Variants in KIF21B observed in about 807,000 individuals in gnomAD.
The protein encoded by KIF21B is kinesin family member 21B.
KIF21B carries 85 observed loss-of-function variants against 192.9 expected under a neutral mutation model. The ratio of observed to expected loss-of-function variants is 0.44; its 90% CI spans 0.37 to 0.53. The LOEUF (loss-of-function observed/expected upper bound fraction) is 0.53. Ranked by LOEUF, KIF21B falls within the 20% of genes least tolerant of loss-of-function variation. KIF21B has a pLI of 0.00. For synonymous variants in KIF21B, 832 were observed against 884.6 expected, an observed-to-expected ratio of 0.94 and a Z score of 1.05; for missense variants, 1,716 against 2,194.8, an observed-to-expected ratio of 0.78 and a Z score of 4.36.
At chr1:201,020,808 T>TACACACACACAC (rs60686711) in intron 1 of KIF21B, among the ~76,000 whole-genome samples, 5,112 of 142,834 alleles carry the variant, frequency 0.036, 171 homozygotes, top group African/African-American at 0.077. Context: ...CTCTCTCCTC[T>TACACACACACAC]ACACACACAC....
In KIF21B at chr1:200,988,939, C is replaced by T; in HGVS notation, c.3133-8G>A. The T allele has an allele frequency of 6.2e-7, 1 of 1,605,596 alleles. No individual in the cohort carries two copies. The highest frequency in any genetic ancestry group is 8.5e-7 in the Non-Finnish European group (1 of 1,176,016). On this transcript the variant is annotated splice_polypyrimidine_tract_variant and splice_region_variant and intron_variant, in intron 21 of 34. Transcript: ENST00000461742. The stretch of plus-strand genomic sequence containing the variant: ...TTGTGCCACTTGCAGCCCCTGGGGG[C>T]AGGGAACAAAGCCTGGAGTTACCCC...
Position 201,004,909 on chromosome 1 carries a change from G to GA in KIF21B, c.756dup (p.Pro253SerfsTer2). 1 of 1,609,530 alleles carries GA rather than the reference G, an allele frequency of 6.2e-7. No homozygotes were observed. The highest frequency in any genetic ancestry group is 1.1e-5 in the South Asian group (1 of 91,010). On this transcript the variant is annotated frameshift_variant, in exon 6 of 35. Transcript: ENST00000461742. LOFTEE classifies it high-confidence loss of function. Reference sequence around the variant, plus strand: ...TCACTCGAGGGAGGTGTACCATCAGGAAGCCCAGTCACCGCCTCATTCACC... The same window carrying GA: ...TCACTCGAGGGAGGTGTACCATCAGGAAAGCCCAGTCACCGCCTCATTCACC...
intron 6 of KIF21B, 75 bp downstream of exon 6, chr1:201,004,691 A>G: frequency 6.4e-7 from 1 of 1,559,828 alleles, no homozygotes; most frequent in Non-Finnish European, 8.8e-7. Context: ...CAGCAGGTGT[A>G]GGACTGCAGG....
At position 201,004,363 on chromosome 1, in the gene KIF21B, G is replaced by C; in HGVS notation, c.993C>G (p.Leu331=). 3 of 1,572,476 alleles carry C rather than the reference G, an allele frequency of 1.9e-6. No individual in the cohort carries two copies. The highest frequency in any genetic ancestry group is 2.6e-6 in the Non-Finnish European group (3 of 1,158,088). ...ACCTGTTGCCCCCCAGCGAATCCTG[G>C]AGGAGCCGAGTGAGCTTGGAGTCCC... is the stretch of plus-strand genomic sequence containing the variant. ...PYRDSKLTRL[L]QDSLGGNSQT... The change falls in exon 7 of 35, where the codon CTC becomes CTG. Residue 331 remains leucine (L), a synonymous_variant. Transcript: ENST00000461742.
chr1:201,006,333 T>G lies in KIF21B; in HGVS notation c.448-639A>C, dbSNP rs189007074. Among the ~76,000 whole-genome samples the G allele has an allele frequency of 9.9e-5, 15 of 152,264 alleles. No individual in the cohort carries two copies. The East Asian group carries it at 1.4e-3, about 14-fold the overall frequency. ...TTCAGGTGGTCTCAGCCAAGGAGAT[T>G]CCTGTGTTTGGAACTGCTGGCATGG... On this transcript the variant is annotated intron_variant, in intron 3 of 34. Transcript: ENST00000461742.
intron 30 of KIF21B, 102 bp downstream of exon 30, chr1:200,979,433 G>T: frequency 1.2e-6 from 1 of 822,412 alleles, no homozygotes. Flanking sequence ...TGCCCATGTA[G>T]CCGGGCTGTG....
intron 3 of KIF21B, among the ~76,000 whole-genome samples, chr1:201,006,222 G>A (rs145475548): frequency 1.0e-3 from 154 of 152,356 alleles, no homozygotes; most frequent in Admixed American, 2.5e-3. Flanking sequence ...TGGGCATGGA[G>A]AGCACGCCAC....
intron 1 of KIF21B, among the ~76,000 whole-genome samples, chr1:201,014,526 G>T (rs962560828): frequency 6.6e-6 from 1 of 152,232 alleles, no homozygotes; most frequent in African/African-American, 2.4e-5. Flanking sequence ...ATCTGGGCAC[G>T]TGCTGGGAGC....
chr1:200,979,430 G>A lies in KIF21B; in HGVS notation c.4160+105C>T, dbSNP rs1557998552. On this transcript the variant is annotated intron_variant, in intron 30 of 34. Transcript: ENST00000461742. ...GGCTGGTAATGGTCTCTGTGCCCAT[G>A]TAGCCGGGCTGTGCTGTGCTGAGTG... 3.8e-6 allele frequency: 3 copies of A among 797,914 alleles called. No individual in the cohort carries two copies. The East Asian group carries it at 9.2e-5, about 24-fold the overall frequency. The allele number at this position is 797,914 out of a possible 1,614,324, so 49.4% of individuals were successfully genotyped here.
At chr1:200,977,608 T>C (rs1337940816) in intron 30 of KIF21B, among the ~76,000 whole-genome samples, 1 of 152,140 alleles carries the variant, frequency 6.6e-6, no homozygotes, top group Non-Finnish European at 1.5e-5. Context: ...GCCTGGTCAC[T>C]GGCTTGGAAA....
chr1:201,007,536 A>G (rs562695828), intron 3 of KIF21B, among the ~76,000 whole-genome samples: 154 of 151,810 alleles, frequency 1.0e-3, no homozygotes, highest in African/African-American at 3.6e-3. Context: ...ACACAGACAC[A>G]CACACAGACA....
Position 200,996,406 on chromosome 1 carries a change from G to C in KIF21B, c.2078-11C>G. 2.5e-6 allele frequency: 4 copies of C among 1,612,802 alleles called. No homozygotes were observed. Among genetic ancestry groups the C allele is most frequent in the Non-Finnish European group, 3.4e-6 (4 of 1,179,202 alleles). The stretch of plus-strand genomic sequence containing the variant: ...AGCACTCCATGGTGCCTGAGAGCAA[G>C]GAGACGCAGCTGTCGGTGCTGGGTC... On this transcript the variant is annotated splice_polypyrimidine_tract_variant and intron_variant, in intron 14 of 34. Transcript: ENST00000461742.
intron 1 of KIF21B, among the ~76,000 whole-genome samples, chr1:201,009,850 C>A (rs1459010988): frequency 1.3e-5 from 2 of 152,094 alleles, no homozygotes; most frequent in East Asian, 3.9e-4. Flanking sequence ...TGACCCTGCC[C>A]AAGGGTGTAT....
intron 24 of KIF21B, 107 bp from the exon 25 acceptor site, chr1:200,987,308 T>C (rs1656373696): frequency 2.0e-6 from 2 of 982,280 alleles, no homozygotes; most frequent in Admixed American, 2.5e-5. Context: ...GGTGCAAACA[T>C]GGCTCACTGC....
Position 200,987,044 on chromosome 1 carries a change from C to G in KIF21B, c.3566G>C (p.Arg1189Pro), listed in dbSNP as rs746216671. 2 of 1,613,966 alleles carry G rather than the reference C, an allele frequency of 1.2e-6. No homozygotes were observed. The highest frequency in any genetic ancestry group is 1.7e-6 in the Non-Finnish European group (2 of 1,179,988). The change falls in exon 25 of 35, where the codon CGG (arginine) becomes CCG (proline). Residue 1189 changes from arginine (R) to proline (P), a missense_variant. This residue lies in a region of KIF21B where 580 missense variants were observed against 775.5 expected (regional missense o/e 0.75). Coordinates refer to ENST00000461742, the MANE Select transcript of KIF21B (RefSeq NM_001252102.2). ...ACTGACGGTGCGCGAGACCCTGTCC[C>G]GGTAATAGGGGTCTCGGACAGAGAA... Reference protein sequence around the residue: ...VGFSVRDPYYRDRVSRTVSLP... With the variant: ...VGFSVRDPYYPDRVSRTVSLP...
chr1:200,996,839 A>G (rs1657101161), intron 14 of KIF21B, among the ~76,000 whole-genome samples: 1 of 152,092 alleles, frequency 6.6e-6, no homozygotes, highest in African/African-American at 2.4e-5. Context: ...TACCAGAACT[A>G]CCAACAGACA....
At chr1:201,022,595 G>C in intron 1 of KIF21B, among the ~76,000 whole-genome samples, 1 of 152,084 alleles carries the variant, frequency 6.6e-6, no homozygotes, top group East Asian at 1.9e-4. Flanking sequence ...TCTCATTTCT[G>C]CCGGCTCAAG....
Position 200,999,574 on chromosome 1 carries a change from G to C in KIF21B, c.1768-108C>G. 4 of 1,542,168 alleles carry C rather than the reference G, an allele frequency of 2.6e-6. No homozygotes were observed. The highest frequency in any genetic ancestry group is 3.5e-6 in the Non-Finnish European group (4 of 1,146,650). ...AGGTGTGTCAGGAGGGTGGGGATTG[G>C]GGCAGGCCACAGCTGAGCCCCCCTG... On this transcript the variant is annotated intron_variant, in intron 12 of 34. Transcript: ENST00000461742. This position sits in a 1 kb window ranked among gnomAD's most constrained non-coding sequence, Gnocchi z 4.7.
chr1:200,980,647 A>G (rs780912931), intron 29 of KIF21B, among the ~76,000 whole-genome samples: 7 of 152,210 alleles, frequency 4.6e-5, no homozygotes, highest in Admixed American at 6.5e-5. Flanking sequence ...GCCTAGATGT[A>G]TGAGCTGGGG....
Sources: allele counts gnomAD v4.1 joint callset (sites outside exome capture counted in the v4.1 genomes callset), GRCh38; gene constraint gnomAD v4.1.1; regional missense constraint gnomAD v4.1.1; non-coding constraint Gnocchi (gnomAD v3.1); transcripts MANE v1.5; gene names NCBI Gene and HGNC (gene_info 2026-07-23, HGNC 2026-07-21).